FNIP2: variants seen among roughly 807,000 people sequenced by gnomAD.
The protein encoded by FNIP2 is folliculin-interacting protein 2.
Under a neutral mutation model 108.7 loss-of-function variants are expected in FNIP2, and 32 were observed. The observed-to-expected ratio is 0.29, with a 90% CI of 0.22 to 0.40. FNIP2 has a LOEUF of 0.40. FNIP2 is among the 10% of genes least tolerant of loss of function. The probability of loss-of-function intolerance (pLI) is 1.00; values close to 1 mark genes in which losing one functional copy is unlikely to be tolerated. For synonymous variants in FNIP2, 480 were observed against 496.7 expected (o/e 0.97, Z 0.45); for missense variants, 1,202 against 1,381.6 (o/e 0.87, Z 2.06).
In FNIP2 at chr4:158,904,446, T is replaced by C. The variant is rs1313557952; in HGVS notation, c.3267-20T>C. ...CCATGCTCTTTTAAAGTAATATTCT[T>C]TTCTTTTCTCAATATTCAGGATTGA... On this transcript the variant is annotated intron_variant, in intron 16 of 16. Coordinates refer to ENST00000264433, the MANE Select transcript of FNIP2 (RefSeq NM_020840.3). The C allele has an allele frequency of 5.0e-6, 8 of 1,595,194 alleles. No homozygotes were observed. Among genetic ancestry groups the C allele is most frequent in the Non-Finnish European group, 6.9e-6 (8 of 1,164,376 alleles).
chr4:158,897,201 A>G (rs556591178), intron 16 of FNIP2, among the ~76,000 whole-genome samples: 3 of 152,188 alleles, frequency 2.0e-5, no homozygotes, highest in South Asian at 4.1e-4. Flanking sequence ...ATAGTATTCC[A>G]TGGTGTATAT....
intron 1 of FNIP2, among the ~76,000 whole-genome samples, chr4:158,815,120 G>C (rs918969650): frequency 2.0e-5 from 3 of 152,234 alleles, no homozygotes; most frequent in African/African-American, 7.2e-5. Context: ...AACAGCACTT[G>C]TAAGGTTGGT....
chr4:158,806,505 T>A (rs1776967302), intron 1 of FNIP2: 1 of 1,018,460 alleles, frequency 9.8e-7, no homozygotes, highest in African/African-American at 1.7e-5. Context: ...ATTGTATTGA[T>A]CTGAAAGTTG....
intron 14 of FNIP2, among the ~76,000 whole-genome samples, chr4:158,882,147 G>A (rs1469158464): frequency 6.7e-6 from 1 of 148,468 alleles, no homozygotes; most frequent in Non-Finnish European, 1.5e-5. Context: ...CCCTCTGCCC[G>A]GCAGCCGCCC....
At chr4:158,831,794 A>C in intron 3 of FNIP2, 67 bp from the exon 4 acceptor site, 1 of 1,006,244 alleles carries the variant, frequency 9.9e-7, no homozygotes, top group South Asian at 1.4e-5. Flanking sequence ...ATTAATAAAC[A>C]TTATTTTCTG....
At chr4:158,769,384 G>A in intron 1 of FNIP2, 65 bp downstream of exon 1, 1 of 1,165,576 alleles carries the variant, frequency 8.6e-7, no homozygotes, top group Non-Finnish European at 1.1e-6. Context: ...TCGCCGGGGA[G>A]GGGACGGGTA....
intron 8 of FNIP2, among the ~76,000 whole-genome samples, chr4:158,854,028 T>C (rs1344818709): frequency 6.6e-6 from 1 of 152,240 alleles, no homozygotes; most frequent in African/African-American, 2.4e-5. Context: ...AACAGTGTAT[T>C]TTTTTGTCCA....
At chr4:158,806,232 T>C (rs1306605141) in intron 1 of FNIP2, 1 of 1,288,858 alleles carries the variant, frequency 7.8e-7, no homozygotes, top group East Asian at 5.5e-5. Flanking sequence ...CAGAAGAACA[T>C]TAAACCGTTC....
chr4:158,849,787 T>A (rs551430520), intron 7 of FNIP2, among the ~76,000 whole-genome samples: 1 of 151,078 alleles, frequency 6.6e-6, no homozygotes, highest in African/African-American at 2.4e-5. Flanking sequence ...GCCAGCCACA[T>A]GTAACAGTTT....
chr4:158,782,093 A>G (rs568054403), intron 1 of FNIP2, among the ~76,000 whole-genome samples: 2 of 152,002 alleles, frequency 1.3e-5, no homozygotes, highest in South Asian at 4.2e-4. Flanking sequence ...TATTAAATGC[A>G]TCTCTACTGA....
Position 158,905,363 on chromosome 4 carries a change from A to T in FNIP2, c.*819A>T, listed in dbSNP as rs973192350. 1 of 152,186 alleles carries T rather than the reference A, an allele frequency of 6.6e-6. No individual in the cohort carries two copies. The highest frequency in any genetic ancestry group is 1.9e-4 in the East Asian group (1 of 5,194). The allele number at this position is 152,186 out of a possible 1,614,324, so 9.4% of individuals were successfully genotyped here. Reference sequence around the variant, plus strand: ...GAGCTTTCAGCAGCCTTTTTAAGAGAGGCCACTTACCAAAGTTATTTCTAT... The same window carrying T: ...GAGCTTTCAGCAGCCTTTTTAAGAGTGGCCACTTACCAAAGTTATTTCTAT... On this transcript the variant is annotated 3_prime_UTR_variant, in exon 17 of 17. Coordinates refer to ENST00000264433, the MANE Select transcript of FNIP2 (RefSeq NM_020840.3).
chr4:158,853,873 AG>A (rs1779835750), intron 8 of FNIP2, among the ~76,000 whole-genome samples: 1 of 152,126 alleles, frequency 6.6e-6, no homozygotes, highest in African/African-American at 2.4e-5. Context: ...AGATCTTACA[AG>A]AAACTAAAAA....
chr4:158,904,752 G>C lies in FNIP2; in HGVS notation c.*208G>C. ...ACATAATAGCATTTGTGATTGTCGT[G>C]AACACTTTAGGCCATTTGTTACCCA... On this transcript the variant is annotated 3_prime_UTR_variant, in exon 17 of 17. Transcript: ENST00000264433. 1 of 546,400 alleles carries C rather than the reference G, an allele frequency of 1.8e-6. No individual in the cohort carries two copies. The highest frequency in any genetic ancestry group is 3.3e-6 in the Non-Finnish European group (1 of 305,126). 33.8% of individuals were successfully genotyped at this position (546,400 alleles called of 1,614,324 possible).
intron 1 of FNIP2, among the ~76,000 whole-genome samples, chr4:158,803,846 A>T (rs931273163): frequency 1.3e-5 from 2 of 152,210 alleles, no homozygotes; most frequent in African/African-American, 4.8e-5. Flanking sequence ...ATGGAGTGTG[A>T]GTGTATAAGC....
intron 16 of FNIP2, among the ~76,000 whole-genome samples, chr4:158,898,714 T>A (rs187551642): frequency 6.4e-4 from 97 of 152,358 alleles, no homozygotes; most frequent in African/African-American, 2.2e-3. Flanking sequence ...AAGTTGCTTA[T>A]CAGCTTAAGG....
rs1157066843 is a variant in FNIP2, at chr4:158,769,204, G to C, written c.-9G>C. ...CGAGCGCCACGGCCGGAGCTGCGGC[G>C]GCGGCATCATGGCCCCGACCCTGCT... On this transcript the variant is annotated 5_prime_UTR_variant, in exon 1 of 17. Transcript: ENST00000264433. The C allele has an allele frequency of 2.2e-6, 3 of 1,393,478 alleles. No homozygotes were observed. Among genetic ancestry groups the C allele is most frequent in the African/African-American group, 3.0e-5 (2 of 66,432 alleles). 86.3% of individuals were successfully genotyped at this position (1,393,478 alleles called of 1,614,324 possible).
chr4:158,881,684 C>A (rs558981134), intron 14 of FNIP2, among the ~76,000 whole-genome samples: 1 of 152,218 alleles, frequency 6.6e-6, no homozygotes, highest in Non-Finnish European at 1.5e-5. Flanking sequence ...AGCTCCTAAC[C>A]GCGAGTGATC....
chr4:158,785,441 A>G (rs1776193977), intron 1 of FNIP2, among the ~76,000 whole-genome samples: 1 of 151,934 alleles, frequency 6.6e-6, no homozygotes. Flanking sequence ...GAACATCTCC[A>G]TTATTTCAGA....
intron 6 of FNIP2, chr4:158,834,315 TCTCTCTCTCTCTCTCC>T (rs1473955132): frequency 4.7e-5 from 7 of 149,790 alleles, no homozygotes; most frequent in African/African-American, 1.8e-4. Flanking sequence ...TCTCTCTCTC[TCTCTCTCTCTCTCTCC>T]CTCTCTAAGT....
Sources: allele counts gnomAD v4.1 joint callset (sites outside exome capture counted in the v4.1 genomes callset), GRCh38; gene constraint gnomAD v4.1.1; transcripts MANE v1.5; gene names NCBI Gene and HGNC (gene_info 2026-07-23, HGNC 2026-07-21).